The following CMTM4 variants were observed in gnomAD, a reference collection of about 807,000 sequenced individuals.
CMTM4 encodes CKLF like MARVEL transmembrane domain containing 4.
Under a neutral mutation model 19.0 loss-of-function variants are expected in CMTM4, and 8 were observed. That is an observed-to-expected ratio of 0.42 (90% CI 0.25 to 0.76). The LOEUF (loss-of-function observed/expected upper bound fraction) is 0.76. Ranked by LOEUF, CMTM4 falls within the 30% of genes least tolerant of loss-of-function variation. CMTM4 has a pLI of 0.27. For synonymous variants in CMTM4, 106 were observed against 121.1 expected (o/e 0.88, Z 0.82); for missense variants, 228 against 290.2 (o/e 0.79, Z 1.56).
chr16:66,673,491 C>A (rs1250926897), intron 1 of CMTM4, among the ~76,000 whole-genome samples: 1 of 152,080 alleles, frequency 6.6e-6, no homozygotes, highest in Non-Finnish European at 1.5e-5. Flanking sequence ...TAGACATAAG[C>A]CACTGCACCC....
chr16:66,634,187 C>G (rs529232591), intron 2 of CMTM4, among the ~76,000 whole-genome samples: 1 of 152,218 alleles, frequency 6.6e-6, no homozygotes, highest in African/African-American at 2.4e-5. Context: ...CACCTGTAAT[C>G]CCAGCACTTT....
chr16:66,629,129 G>T (rs1413656987), intron 2 of CMTM4, among the ~76,000 whole-genome samples: 1 of 152,186 alleles, frequency 6.6e-6, no homozygotes, highest in African/African-American at 2.4e-5. Flanking sequence ...CCTGGGCCAT[G>T]AAACAAATCA....
At chr16:66,647,036 C>G (rs2016215238) in intron 1 of CMTM4, among the ~76,000 whole-genome samples, 1 of 150,652 alleles carries the variant, frequency 6.6e-6, no homozygotes, top group African/African-American at 2.4e-5. Flanking sequence ...GCCCTTTTGA[C>G]CAGGTGCAGT....
downstream of CMTM4, among the ~76,000 whole-genome samples, chr16:66,611,434 G>A (rs544559464): frequency 2.0e-5 from 3 of 152,124 alleles, no homozygotes; most frequent in East Asian, 5.8e-4. Context: ...GGGCGACAGA[G>A]TGAGACTCCA....
chr16:66,628,374 C>T (rs549950701), intron 2 of CMTM4, among the ~76,000 whole-genome samples: 20 of 152,306 alleles, frequency 1.3e-4, no homozygotes, highest in Admixed American at 3.9e-4. Flanking sequence ...GACTATCTCA[C>T]GGGGAGAAAC....
Position 66,617,393 on chromosome 16 carries a change from A to T in CMTM4, c.*4665T>A. The T allele has an allele frequency of 1.2e-6, 2 of 1,605,160 alleles. No individual in the cohort carries two copies. The highest frequency in any genetic ancestry group is 1.7e-6 in the Non-Finnish European group (2 of 1,175,270). On this transcript the variant is annotated 3_prime_UTR_variant, in exon 4 of 4. Coordinates refer to ENST00000394106, the MANE Select transcript of CMTM4 (RefSeq NM_181521.3). ...AAAAAAAAATCCCAAAGGTTGAAAA[A>T]CTGTATCCAAATGGAAAAAGAATAT...
chr16:66,646,060 G>C (rs2016189711), intron 1 of CMTM4, among the ~76,000 whole-genome samples: 1 of 152,138 alleles, frequency 6.6e-6, no homozygotes, highest in Non-Finnish European at 1.5e-5. Context: ...AGAAACACAA[G>C]GCAGAGAGAT....
intron 2 of CMTM4, among the ~76,000 whole-genome samples, chr16:66,634,109 A>C (rs1026284288): frequency 1.3e-5 from 2 of 152,154 alleles, no homozygotes; most frequent in African/African-American, 4.8e-5. Context: ...TTTCATGATT[A>C]AAATAGAAAA....
intron 1 of CMTM4, among the ~76,000 whole-genome samples, chr16:66,644,588 T>C (rs2016155974): frequency 6.6e-6 from 1 of 152,252 alleles, no homozygotes; most frequent in South Asian, 2.1e-4. Context: ...CTTGTGTTTT[T>C]GTCTTTCTTT....
rs1334243674 is a variant in CMTM4 at position 66,696,031 on chromosome 16, G to A, written c.186+309C>T. 2.0e-5 allele frequency among the ~76,000 whole-genome samples: 3 copies of A among 152,212 alleles called. No individual in the cohort carries two copies. The highest frequency in any genetic ancestry group is 4.8e-5 in the African/African-American group (2 of 41,464). ...CCAGGAGACAGCAGGATTCCCAGCA[G>A]CACCCAGCCCAGTAACGCCACAGAC... On this transcript the variant is annotated intron_variant, in intron 1 of 3. Coordinates refer to ENST00000394106, the MANE Select transcript of CMTM4 (RefSeq NM_181521.3). The surrounding 1 kb of genome is among the most constrained non-coding windows in gnomAD (Gnocchi z 4.3).
chr16:66,655,513 A>G (rs920391219), intron 1 of CMTM4, among the ~76,000 whole-genome samples: 3 of 117,976 alleles, frequency 2.5e-5, no homozygotes, highest in African/African-American at 1.2e-4. Context: ...GGTCTAGGAC[A>G]GAAACGTGTG....
At chr16:66,680,478 C>CAAAAAAAAAAAAAAAAAAAAAAA (rs1333416836) in intron 1 of CMTM4, among the ~76,000 whole-genome samples, 1 of 96,820 alleles carries the variant, frequency 1.0e-5, no homozygotes, top group African/African-American at 4.0e-5. Flanking sequence ...GACTCCATCT[C>CAAAAAAAAAAAAAAAAAAAAAAA]AAAAAAAAAA....
the CMTM4 span, chr16:66,605,079 C>A: frequency 1.1e-6 from 1 of 892,236 alleles, no homozygotes; most frequent in Non-Finnish European, 1.5e-6. This position sits in a 1 kb window ranked among gnomAD's most constrained non-coding sequence, Gnocchi z 4.6. Flanking sequence ...CGCGCCGCCT[C>A]GGCCGACTTC....
intron 1 of CMTM4, among the ~76,000 whole-genome samples, chr16:66,672,212 AC>A (rs2016720026): frequency 6.6e-6 from 1 of 151,884 alleles, no homozygotes; most frequent in African/African-American, 2.4e-5. Context: ...AGCCTGGCCA[AC>A]ATGGTGAAAC....
intron 1 of CMTM4, among the ~76,000 whole-genome samples, chr16:66,689,159 A>G (rs1256164139): frequency 6.6e-6 from 1 of 152,118 alleles, no homozygotes; most frequent in African/African-American, 2.4e-5. Context: ...TTCCAGTATG[A>G]TCTTGAATAT....
At chr16:66,628,557 T>C (rs948328113) in intron 2 of CMTM4, among the ~76,000 whole-genome samples, 1 of 152,200 alleles carries the variant, frequency 6.6e-6, no homozygotes, top group African/African-American at 2.4e-5. Flanking sequence ...TAAACCTTGA[T>C]TCCATACAAC....
chr16:66,605,044 C>T, the CMTM4 span: 2 of 1,167,512 alleles, frequency 1.7e-6, no homozygotes, highest in Admixed American at 4.2e-5. The surrounding 1 kb of genome is among the most constrained non-coding windows in gnomAD (Gnocchi z 4.6). Flanking sequence ...CCGGGGGCGG[C>T]CGCCGTGCTC....
chr16:66,618,145 A>G lies in CMTM4; in HGVS notation c.*3913T>C. 2.0e-6 allele frequency: 2 copies of G among 985,442 alleles called. No homozygotes were observed. Among genetic ancestry groups the G allele is most frequent in the South Asian group, 9.4e-5 (2 of 21,288 alleles). 61.0% of individuals were successfully genotyped at this position (985,442 alleles called of 1,614,324 possible). A position where few individuals can be genotyped will look rare whatever the true frequency, so the allele number is the denominator to read the frequency against. On this transcript the variant is annotated 3_prime_UTR_variant, in exon 4 of 4. Coordinates refer to ENST00000394106, the MANE Select transcript of CMTM4 (RefSeq NM_181521.3). ...TTCTGCAACTTCACTAGGAAATAAC[A>G]AGGCACCTAGAGACTTCACAAGCTA...
intron 1 of CMTM4, among the ~76,000 whole-genome samples, chr16:66,645,760 C>T (rs1448184985): frequency 1.3e-5 from 2 of 152,108 alleles, no homozygotes; most frequent in East Asian, 3.9e-4. Flanking sequence ...AGCTGGATCA[C>T]CTGAGGTCAG....
Sources: allele counts gnomAD v4.1 joint callset (sites outside exome capture counted in the v4.1 genomes callset), GRCh38; gene constraint gnomAD v4.1.1; non-coding constraint Gnocchi (gnomAD v3.1); transcripts MANE v1.5; gene names NCBI Gene and HGNC (gene_info 2026-07-23, HGNC 2026-07-21).